The following STARD13 variants were observed in gnomAD, a reference collection of about 807,000 sequenced individuals.
The protein encoded by STARD13 is stAR-related lipid transfer protein 13.
In STARD13, 62 loss-of-function variants were observed where a neutral mutation model predicts 106.4. The observed-to-expected ratio is 0.58, with a 90% CI of 0.48 to 0.72. The LOEUF (loss-of-function observed/expected upper bound fraction) is 0.72, where lower values mean the gene tolerates loss of function less well. Among genes scored for constraint, STARD13 ranks in the 30% least tolerant of loss-of-function variants. The pLI is 0.00. For synonymous variants in STARD13, 565 were observed against 553.0 expected (o/e 1.02, Z -0.31); for missense variants, 1,387 against 1,424.0 (o/e 0.97, Z 0.42).
At chr13:33,521,863 G>A in the STARD13 span, among the ~76,000 whole-genome samples, 1 of 151,594 alleles carries the variant, frequency 6.6e-6, no homozygotes, top group African/African-American at 2.4e-5. Context: ...GAAACAAGAT[G>A]AAAAAAAATA....
At chr13:33,587,501 A>G in the STARD13 span, among the ~76,000 whole-genome samples, 6 of 152,192 alleles carry the variant, frequency 3.9e-5, no homozygotes, top group Non-Finnish European at 8.8e-5. Context: ...CTAGCCTCTC[A>G]CACATTCTAA....
chr13:33,242,181 C>G (rs550633325), intron 1 of STARD13, among the ~76,000 whole-genome samples: 1 of 152,156 alleles, frequency 6.6e-6, no homozygotes, highest in African/African-American at 2.4e-5. Context: ...GGAGCCCCTC[C>G]GCCCAGCAGC....
chr13:33,415,624 C>G, the STARD13 span, among the ~76,000 whole-genome samples: 1 of 152,006 alleles, frequency 6.6e-6, no homozygotes, highest in Non-Finnish European at 1.5e-5. Context: ...ATTTTTATGT[C>G]TGTCTTTTGC....
At chr13:33,676,076 T>C in the STARD13 span, among the ~76,000 whole-genome samples, 1 of 152,240 alleles carries the variant, frequency 6.6e-6, no homozygotes, top group Non-Finnish European at 1.5e-5. Context: ...TGTACTATAA[T>C]TACTTTCAAC....
At chr13:33,215,618 G>A (rs1396010869) in intron 1 of STARD13, among the ~76,000 whole-genome samples, 1 of 152,170 alleles carries the variant, frequency 6.6e-6, no homozygotes, top group Non-Finnish European at 1.5e-5. Context: ...AAATGTGACT[G>A]AAGAGTTACT....
chr13:33,220,230 T>G (rs754643421), intron 1 of STARD13, among the ~76,000 whole-genome samples: 3 of 151,194 alleles, frequency 2.0e-5, no homozygotes, highest in Non-Finnish European at 4.4e-5. Flanking sequence ...GCTAGAAAAC[T>G]TTACACAATA....
the STARD13 span, among the ~76,000 whole-genome samples, chr13:33,629,965 A>T: frequency 6.6e-6 from 1 of 152,352 alleles, no homozygotes; most frequent in South Asian, 2.1e-4. Context: ...TAAAAAAATA[A>T]AATGCACGTC....
chr13:33,140,181 T>G (rs1355057581), intron 4 of STARD13, among the ~76,000 whole-genome samples: 1 of 152,252 alleles, frequency 6.6e-6, no homozygotes, highest in Non-Finnish European at 1.5e-5. Context: ...TTTGAAAAGC[T>G]GGTGACAGGG....
chr13:33,221,993 A>T (rs1888383257), intron 1 of STARD13, among the ~76,000 whole-genome samples: 1 of 152,140 alleles, frequency 6.6e-6, no homozygotes, highest in Non-Finnish European at 1.5e-5. Flanking sequence ...AACTAAAAAT[A>T]TAAAAATTAG....
chr13:33,371,397 A>G, the STARD13 span, among the ~76,000 whole-genome samples: 1 of 152,216 alleles, frequency 6.6e-6, no homozygotes, highest in African/African-American at 2.4e-5. Context: ...TTGTCACCTT[A>G]CCAAAAATAT....
At position 33,329,895 on chromosome 13, in the gene STARD13, G is replaced by A. The variant is rs190573472; in HGVS notation, c.124+20395C>T. 1.9e-3 allele frequency among the ~76,000 whole-genome samples: 284 copies of A among 152,006 alleles called. 1 individual carries two copies. Among genetic ancestry groups the A allele is most frequent in the African/African-American group, 6.7e-3 (276 of 41,458 alleles). ...ATTTTTGTATTTTTAGTAGAGACAC[G>A]GTTTCACCATATTGGCCAGGCTGGT... is the stretch of plus-strand genomic sequence containing the variant. On this transcript the variant is annotated intron_variant, in intron 1 of 5. Coordinates refer to the STARD13 transcript ENST00000567873.
At chr13:33,267,351 G>A (rs1270587461) in intron 1 of STARD13, among the ~76,000 whole-genome samples, 1 of 152,158 alleles carries the variant, frequency 6.6e-6, no homozygotes. Context: ...CCAAGGGATA[G>A]AAGCTGAAGC....
chr13:33,667,978 T>A, the STARD13 span, among the ~76,000 whole-genome samples: 1 of 152,216 alleles, frequency 6.6e-6, no homozygotes, highest in African/African-American at 2.4e-5. Context: ...TGAACCCTGT[T>A]CAAATAAGGA....
the STARD13 span, among the ~76,000 whole-genome samples, chr13:33,658,795 G>T: frequency 6.6e-6 from 1 of 152,200 alleles, no homozygotes; most frequent in Non-Finnish European, 1.5e-5. Flanking sequence ...AAAGACTAAG[G>T]CATGATTAGA....
At chr13:33,576,031 C>T in the STARD13 span, among the ~76,000 whole-genome samples, 3 of 152,062 alleles carry the variant, frequency 2.0e-5, no homozygotes, top group Admixed American at 6.6e-5. Flanking sequence ...ACATCTTTTT[C>T]AATGTATTTT....
At chr13:33,290,598 G>A (rs543870403), upstream of STARD13, among the ~76,000 whole-genome samples, 5 of 152,332 alleles carry the variant, frequency 3.3e-5, no homozygotes, top group East Asian at 3.9e-4. Context: ...AGATCCTGCC[G>A]CAAACACTTG....
At chr13:33,153,430 C>T (rs73179004) in intron 3 of STARD13, among the ~76,000 whole-genome samples, 3,648 of 152,154 alleles carry the variant, frequency 0.024, 54 homozygotes, top group Non-Finnish European at 0.04. Flanking sequence ...AGTGCAGGAA[C>T]GGAGGGACCA....
the STARD13 span, among the ~76,000 whole-genome samples, chr13:33,521,725 G>A: frequency 3.8e-4 from 58 of 152,082 alleles, no homozygotes; most frequent in Middle Eastern, 6.8e-3. Context: ...TGAACGGACC[G>A]GAAAATTAAA....
At chr13:33,551,917 C>G in the STARD13 span, among the ~76,000 whole-genome samples, 1 of 151,792 alleles carries the variant, frequency 6.6e-6, no homozygotes, top group Non-Finnish European at 1.5e-5. Flanking sequence ...ACTTTAGATT[C>G]AAAAATTTAG....
Sources: allele counts gnomAD v4.1 joint callset (sites outside exome capture counted in the v4.1 genomes callset), GRCh38; gene constraint gnomAD v4.1.1; transcripts MANE v1.5; gene names NCBI Gene and HGNC (gene_info 2026-07-23, HGNC 2026-07-21).